Variants in FHIT observed in about 807,000 individuals in gnomAD.
The protein encoded by FHIT is fragile histidine triad diadenosine triphosphatase.
In FHIT, 19 loss-of-function variants were observed where a neutral mutation model predicts 17.9. The observed-to-expected ratio is 1.06, with a 90% CI of 0.74 to 1.56. FHIT has a LOEUF of 1.56. Among genes scored for constraint, FHIT ranks in the 40% most tolerant of loss-of-function variants. The probability of loss-of-function intolerance (pLI) is 0.00; values close to 1 mark genes in which losing one functional copy is unlikely to be tolerated. For synonymous variants in FHIT, 81 were observed against 69.7 expected, an observed-to-expected ratio of 1.16 and a Z score of -0.81; for missense variants, 248 against 189.2, an observed-to-expected ratio of 1.31 and a Z score of -1.82.
chr3:60,993,351 G>A (rs149670549), intron 3 of FHIT, among the ~76,000 whole-genome samples: 34 of 152,250 alleles, frequency 2.2e-4, no homozygotes, highest in East Asian at 5.8e-4. Context: ...CAGACTGTCC[G>A]TCTTGGCACT....
At chr3:60,229,132 C>T (rs1298737256) in intron 5 of FHIT, among the ~76,000 whole-genome samples, 2 of 152,066 alleles carry the variant, frequency 1.3e-5, no homozygotes, top group African/African-American at 4.8e-5. Flanking sequence ...AAAGTCATTA[C>T]CTGGCCACTT....
intron 5 of FHIT, among the ~76,000 whole-genome samples, chr3:60,230,812 G>T (rs116527705): frequency 6.6e-6 from 1 of 152,224 alleles, no homozygotes; most frequent in Non-Finnish European, 1.5e-5. Context: ...CTGGGTTCAA[G>T]CAATTCTCCT....
At chr3:59,993,566 C>A (rs1699380087) in intron 7 of FHIT, among the ~76,000 whole-genome samples, 1 of 151,984 alleles carries the variant, frequency 6.6e-6, no homozygotes, top group Non-Finnish European at 1.5e-5. Context: ...GAGAAGGTGT[C>A]TTCTCTCAAA....
chr3:60,986,505 A>T (rs1710725329), intron 3 of FHIT, among the ~76,000 whole-genome samples: 1 of 152,216 alleles, frequency 6.6e-6, no homozygotes. Flanking sequence ...CCCAAAGTGG[A>T]GAGGTATTGG....
intron 5 of FHIT, among the ~76,000 whole-genome samples, chr3:60,332,397 T>A (rs2106859334): frequency 6.6e-6 from 1 of 152,262 alleles, no homozygotes; most frequent in African/African-American, 2.4e-5. Flanking sequence ...CTAGAGTATC[T>A]ACGATGGAGG....
At chr3:60,531,675 C>G (rs941008751) in intron 5 of FHIT, among the ~76,000 whole-genome samples, 2 of 152,122 alleles carry the variant, frequency 1.3e-5, no homozygotes, top group African/African-American at 4.8e-5. Flanking sequence ...GAGGAAATGA[C>G]AAATATTTCT....
At chr3:60,469,733 G>A (rs1290951010) in intron 5 of FHIT, among the ~76,000 whole-genome samples, 1 of 152,132 alleles carries the variant, frequency 6.6e-6, no homozygotes. Flanking sequence ...GGGTTTTGAA[G>A]AGTTAGGTAT....
intron 3 of FHIT, among the ~76,000 whole-genome samples, chr3:60,845,150 T>A (rs1325807603): frequency 1.3e-5 from 2 of 152,258 alleles, no homozygotes; most frequent in African/African-American, 4.8e-5. Flanking sequence ...TTAAATATAT[T>A]AAGGGCAAAT....
intron 3 of FHIT, among the ~76,000 whole-genome samples, chr3:61,026,622 T>C (rs999575030): frequency 2.6e-5 from 4 of 151,790 alleles, no homozygotes; most frequent in South Asian, 2.1e-4. Context: ...CACAAAATCC[T>C]AAACTCTCTT....
At chr3:60,879,069 A>T (rs1029822629) in intron 3 of FHIT, among the ~76,000 whole-genome samples, 2 of 152,170 alleles carry the variant, frequency 1.3e-5, no homozygotes, top group African/African-American at 2.4e-5. Flanking sequence ...TGCCACACTG[A>T]CTTCCACAAT....
chr3:60,327,411 T>A (rs1180075402), intron 5 of FHIT, among the ~76,000 whole-genome samples: 1 of 152,150 alleles, frequency 6.6e-6, no homozygotes, highest in Non-Finnish European at 1.5e-5. Flanking sequence ...GCTACTTAGC[T>A]CTGACACCGT....
chr3:61,028,879 C>A (rs1277565981), intron 3 of FHIT, among the ~76,000 whole-genome samples: 19 of 150,132 alleles, frequency 1.3e-4, no homozygotes, highest in Middle Eastern at 3.4e-3. Context: ...AAATAAGCAC[C>A]CCCCACCAAC....
chr3:60,164,091 T>C (rs535366310), intron 5 of FHIT, among the ~76,000 whole-genome samples: 1 of 152,290 alleles, frequency 6.6e-6, no homozygotes, highest in South Asian at 2.1e-4. Flanking sequence ...AAAAAAGGTT[T>C]GGTGGGAGAT....
intron 2 of FHIT, among the ~76,000 whole-genome samples, chr3:61,137,517 T>TA (rs2036952294): frequency 6.6e-6 from 1 of 152,166 alleles, no homozygotes; most frequent in Non-Finnish European, 1.5e-5. Context: ...ATCACTGGTG[T>TA]ACTTGCCTTT....
intron 5 of FHIT, among the ~76,000 whole-genome samples, chr3:60,354,001 CAG>C (rs1439662573): frequency 6.6e-6 from 1 of 151,898 alleles, no homozygotes; most frequent in Non-Finnish European, 1.5e-5. Flanking sequence ...AAGAGATGGC[CAG>C]AGACTTATGT....
At chr3:61,086,959 C>A (rs979442360) in intron 2 of FHIT, among the ~76,000 whole-genome samples, 10 of 152,064 alleles carry the variant, frequency 6.6e-5, no homozygotes, top group African/African-American at 9.7e-5. Flanking sequence ...CCTCTCCCAC[C>A]ATATGTATCT....
At chr3:60,692,626 C>T (rs1265855372) in intron 4 of FHIT, among the ~76,000 whole-genome samples, 1 of 152,156 alleles carries the variant, frequency 6.6e-6, no homozygotes, top group African/African-American at 2.4e-5. Context: ...TTAGAGACCT[C>T]AGAAAGGAAT....
At chr3:60,839,911 T>C (rs1702661773) in intron 3 of FHIT, among the ~76,000 whole-genome samples, 1 of 152,210 alleles carries the variant, frequency 6.6e-6, no homozygotes, top group African/African-American at 2.4e-5. Context: ...TAAGGGCTTA[T>C]TTAACTACGT....
chr3:60,418,761 A>T (rs1702361468), intron 5 of FHIT, among the ~76,000 whole-genome samples: 2 of 151,584 alleles, frequency 1.3e-5, no homozygotes, highest in African/African-American at 4.9e-5. Context: ...TGTCAAAAAA[A>T]AATATATTGA....
Sources: allele counts gnomAD v4.1 joint callset (sites outside exome capture counted in the v4.1 genomes callset), GRCh38; gene constraint gnomAD v4.1.1; transcripts MANE v1.5; gene names NCBI Gene and HGNC (gene_info 2026-07-23, HGNC 2026-07-21).